CLOCK: variants seen among roughly 807,000 people sequenced by gnomAD.
CLOCK encodes the protein clock circadian regulator.
A neutral mutation model predicts 118.4 loss-of-function variants in CLOCK; 43 were observed. The ratio of observed to expected loss-of-function variants is 0.36; its 90% CI spans 0.28 to 0.47. CLOCK has a LOEUF of 0.47. CLOCK is among the 20% of genes least tolerant of loss of function. The pLI is 1.00. For synonymous variants in CLOCK, 326 were observed against 339.2 expected (o/e 0.96, Z 0.43); for missense variants, 846 against 999.9 (o/e 0.85, Z 2.08).
intron 1 of CLOCK, among the ~76,000 whole-genome samples, chr4:55,532,283 A>C (rs1296606941): frequency 6.6e-6 from 1 of 152,198 alleles, no homozygotes; most frequent in Non-Finnish European, 1.5e-5. Context: ...CACTCTCATC[A>C]CTTCTATTCA....
intron 2 of CLOCK, among the ~76,000 whole-genome samples, chr4:55,499,217 T>C (rs528339652): frequency 1.4e-4 from 22 of 152,320 alleles, no homozygotes; most frequent in Non-Finnish European, 2.9e-4. Flanking sequence ...CAGATTTTAC[T>C]GTTTCTTTGT....
intron 1 of CLOCK, chr4:55,546,410 C>G (rs999564730): frequency 1.3e-5 from 2 of 152,234 alleles, no homozygotes; most frequent in Non-Finnish European, 2.9e-5. Flanking sequence ...TCCCGCCTTC[C>G]CCACCCTTGG....
chr4:55,503,977 G>GGAAAA (rs1560463004), intron 2 of CLOCK, among the ~76,000 whole-genome samples: 1 of 25,104 alleles, frequency 4.0e-5, no homozygotes, highest in Non-Finnish European at 9.5e-5. Flanking sequence ...GCAAAAAGAG[G>GGAAAA]TAAAAAAAAA....
Position 55,435,596 on chromosome 4 carries a change from T to TA in CLOCK, c.2362-3dup, listed in dbSNP as rs998409095. 1.9e-6 allele frequency: 3 copies of TA among 1,613,614 alleles called. No individual in the cohort carries two copies. Among genetic ancestry groups the TA allele is most frequent in the South Asian group, 1.1e-5 (1 of 91,040 alleles). On this transcript the variant is annotated splice_region_variant and splice_polypyrimidine_tract_variant and intron_variant, in intron 22 of 22. Transcript: ENST00000513440. ...ATTCCCATGGAGCAACCTAGAAGTC[T>TA]AAAAAACAAATGGATTATGCAGCAT...
chr4:55,540,003 ATTAAT>A, intron 1 of CLOCK, among the ~76,000 whole-genome samples: 1 of 119,172 alleles, frequency 8.4e-6, no homozygotes, highest in East Asian at 2.8e-4. Context: ...CTCCAATGAT[ATTAAT>A]TTTTTTTTTT....
chr4:55,447,855 C>T (rs1723997522), intron 18 of CLOCK, among the ~76,000 whole-genome samples: 1 of 152,046 alleles, frequency 6.6e-6, no homozygotes, highest in African/African-American at 2.4e-5. Context: ...TAATGCCAAA[C>T]AAAACAGAAA....
chr4:55,437,013 C>T (rs1231101084), intron 22 of CLOCK, among the ~76,000 whole-genome samples: 1 of 149,318 alleles, frequency 6.7e-6, no homozygotes, highest in Non-Finnish European at 1.5e-5. Context: ...GCTTAATTCT[C>T]ATTGGATACA....
At chr4:55,528,893 C>A (rs1402974913) in intron 1 of CLOCK, among the ~76,000 whole-genome samples, 2 of 152,180 alleles carry the variant, frequency 1.3e-5, no homozygotes, top group Non-Finnish European at 2.9e-5. Flanking sequence ...AGCTCCGAAG[C>A]CTAAAAACAG....
chr4:55,500,936 C>T (rs900956131), intron 2 of CLOCK, among the ~76,000 whole-genome samples: 1 of 152,104 alleles, frequency 6.6e-6, no homozygotes, highest in African/African-American at 2.4e-5. Flanking sequence ...ACTGCAGCCT[C>T]GATCTCCTGG....
intron 1 of CLOCK, among the ~76,000 whole-genome samples, chr4:55,518,922 C>A (rs6822740): frequency 2.0e-5 from 3 of 152,124 alleles, no homozygotes; most frequent in East Asian, 3.9e-4. Flanking sequence ...AATGAGTACC[C>A]TCATGTCAAT....
chr4:55,536,459 C>T (rs1031536378), intron 1 of CLOCK, among the ~76,000 whole-genome samples: 6 of 152,068 alleles, frequency 3.9e-5, no homozygotes, highest in Admixed American at 1.3e-4. Context: ...ACCATCTCCT[C>T]GGTAATAAGT....
chr4:55,501,008 T>G (rs962781182), intron 2 of CLOCK, among the ~76,000 whole-genome samples: 1 of 152,038 alleles, frequency 6.6e-6, no homozygotes, highest in Non-Finnish European at 1.5e-5. Context: ...TGCACCACCA[T>G]GCCTAGGGCT....
At chr4:55,453,008 T>G in intron 15 of CLOCK, 46 bp downstream of exon 15, 2 of 1,318,266 alleles carry the variant, frequency 1.5e-6, no homozygotes, top group Non-Finnish European at 2.1e-6. Flanking sequence ...TCATCTTTTA[T>G]TGGGGAGAAA....
chr4:55,434,052 A>G lies in CLOCK; in HGVS notation c.*1363T>C, dbSNP rs1313408789. On this transcript the variant is annotated 3_prime_UTR_variant, in exon 23 of 23. Transcript: ENST00000513440. The stretch of plus-strand genomic sequence containing the variant: ...TCTAAATTATTTGTACCTCCAGTCC[A>G]AGAGACTGATAGCAGTCTTCAGAGG... 1 of 152,654 alleles carries G rather than the reference A, an allele frequency of 6.6e-6. No homozygotes were observed. Among genetic ancestry groups the G allele is most frequent in the Non-Finnish European group, 1.5e-5 (1 of 68,034 alleles). 9.5% of individuals were successfully genotyped at this position (152,654 alleles called of 1,614,324 possible). A position where few individuals can be genotyped will look rare whatever the true frequency, so the allele number is the denominator to read the frequency against.
chr4:55,455,914 G>A lies in CLOCK; in HGVS notation c.965C>T (p.Ala322Val), dbSNP rs1338047439. 1.2e-6 allele frequency: 2 copies of A among 1,612,966 alleles called. No homozygotes were observed. Among genetic ancestry groups the A allele is most frequent in the African/African-American group, 1.3e-5 (1 of 74,858 alleles). The change falls in exon 13 of 23, where the codon GCA (alanine) becomes GTA (valine). Residue 322 changes from alanine to valine, a missense_variant. Physicochemically the swap from Ala to Val is moderately conservative, Grantham distance 64. This residue lies in a region of CLOCK where 66 missense variants were observed against 99.4 expected (regional missense o/e 0.66). Coordinates refer to ENST00000513440, the MANE Select transcript of CLOCK (RefSeq NM_004898.4). The part of the protein sequence containing the change: ...YYHVDDLENL[A>V]KCHEHLMQYG... ...CTACTTACAGTGCTCATGACATTTT[G>A]CCAAATTTTCTAGGTCATCCACATG...
In CLOCK at chr4:55,443,758, T is replaced by G; in HGVS notation, c.1831A>C (p.Met611Leu). Residue 611 changes from methionine to leucine, a missense_variant, in exon 20 of 23, where the codon ATG (methionine) becomes CTG (leucine). Physicochemically the swap from Met to Leu is conservative, Grantham distance 15. Transcript: ENST00000513440. ...VVPTNQIQSG[M>L]NTGHIGTTQH... ...GTTGTGCCAATGTGTCCAGTATTCA[T>G]TCCACTTTGAATCTGGTTAGTAGGA... 6.2e-7 allele frequency: 1 copy of G among 1,614,116 alleles called. No individual in the cohort carries two copies. The highest frequency in any genetic ancestry group is 8.5e-7 in the Non-Finnish European group (1 of 1,179,966).
chr4:55,467,167 T>A (rs1480474388), intron 8 of CLOCK, among the ~76,000 whole-genome samples: 1 of 152,206 alleles, frequency 6.6e-6, no homozygotes, highest in African/African-American at 2.4e-5. Flanking sequence ...GAGGGAAGTG[T>A]TAATCAAACA....
intron 1 of CLOCK, among the ~76,000 whole-genome samples, chr4:55,530,798 A>G (rs1730494199): frequency 6.7e-6 from 1 of 149,918 alleles, no homozygotes; most frequent in African/African-American, 2.4e-5. Context: ...AAAAGAGTAA[A>G]TACATTCCAG....
intron 1 of CLOCK, among the ~76,000 whole-genome samples, chr4:55,521,375 C>T (rs570793234): frequency 8.5e-5 from 13 of 152,292 alleles, no homozygotes; most frequent in Non-Finnish European, 1.5e-4. Flanking sequence ...TGCGCCATCA[C>T]GCCTGGCTAA....
Sources: allele counts gnomAD v4.1 joint callset (sites outside exome capture counted in the v4.1 genomes callset), GRCh38; gene constraint gnomAD v4.1.1; regional missense constraint gnomAD v4.1.1; transcripts MANE v1.5; gene names NCBI Gene and HGNC (gene_info 2026-07-23, HGNC 2026-07-21).